RNPEP: variants seen among roughly 807,000 people sequenced by gnomAD.
RNPEP encodes the protein arginyl aminopeptidase.
Under a neutral mutation model 70.1 loss-of-function variants are expected in RNPEP, and 57 were observed. The observed-to-expected ratio is 0.81, with a 90% CI of 0.66 to 1.01. The LOEUF is 1.01. Ranked by LOEUF, RNPEP falls within the 50% of genes least tolerant of loss-of-function variation. The pLI is 0.00. For missense variants in RNPEP, 787 were observed against 852.4 expected (o/e 0.92, Z 0.96); for synonymous variants, 335 against 357.4 (o/e 0.94, Z 0.71).
At chr1:201,991,227 G>T (rs1465001286) in intron 3 of RNPEP, among the ~76,000 whole-genome samples, 2 of 152,140 alleles carry the variant, frequency 1.3e-5, no homozygotes, top group African/African-American at 4.8e-5. Context: ...TGATTCTCCT[G>T]CCTCAGCCTC....
At chr1:202,002,165 CTT>C (rs112152568) in intron 8 of RNPEP, among the ~76,000 whole-genome samples, 7 of 138,070 alleles carry the variant, frequency 5.1e-5, no homozygotes, top group Non-Finnish European at 7.8e-5. Flanking sequence ...CTTTTCTTTT[CTT>C]TTTTTTTTTT....
Position 202,001,428 on chromosome 1 carries a change from C to T in RNPEP, c.1257C>T (p.Cys419=). Residue 419 remains cysteine, a synonymous_variant, in exon 7 of 11, where the codon TGC becomes TGT. Transcript: ENST00000295640. ...AGACCCCCTACGAGAAAGGTTTCTG[C>T]TTTGTTTCATACCTGGCCCACTTGG... ...YNETPYEKGF[C]FVSYLAHLVG... 1 of 1,613,966 alleles carries T rather than the reference C, an allele frequency of 6.2e-7. No individual in the cohort carries two copies. Among genetic ancestry groups the T allele is most frequent in the Non-Finnish European group, 8.5e-7 (1 of 1,179,836 alleles).
At chr1:201,995,984 C>T (rs1683532314) in intron 3 of RNPEP, 163 bp from the exon 4 acceptor site, 1 of 606,560 alleles carries the variant, frequency 1.6e-6, no homozygotes, top group Admixed American at 3.1e-5. Flanking sequence ...GGTGAGCGGT[C>T]TCTTGGATCT....
intron 6 of RNPEP, chr1:202,000,291 G>T (rs1049495591): frequency 9.2e-6 from 3 of 324,574 alleles, no homozygotes; most frequent in East Asian, 6.5e-5. Context: ...AGGCTCTTTC[G>T]CATTCCTTCA....
Position 201,988,889 on chromosome 1 carries a change from C to G in RNPEP, c.448-15C>G, listed in dbSNP as rs764601829. 3 of 1,603,678 alleles carry G rather than the reference C, an allele frequency of 1.9e-6. No homozygotes were observed. Among genetic ancestry groups the G allele is most frequent in the Admixed American group, 3.4e-5 (2 of 58,326 alleles). On this transcript the variant is annotated splice_polypyrimidine_tract_variant and intron_variant, in intron 1 of 10. Transcript: ENST00000295640. ...TGGGAGATGTCAGTTCTGAAATGTT[C>G]TTCTTTTCGCTTAGGTTTGCTGGTT...
intron 1 of RNPEP, 122 bp from the exon 2 acceptor site, chr1:201,988,782 C>T (rs1683221461): frequency 2.5e-6 from 3 of 1,215,558 alleles, no homozygotes; most frequent in Non-Finnish European, 2.3e-6. Context: ...TCAAACCAGA[C>T]TGGCTGGCGG....
chr1:201,993,955 C>T (rs1384428044), intron 3 of RNPEP, among the ~76,000 whole-genome samples: 3 of 151,406 alleles, frequency 2.0e-5, no homozygotes, highest in Admixed American at 6.6e-5. Flanking sequence ...AATCCAGCCC[C>T]CCACCCTTGC....
intron 1 of RNPEP, 125 bp from the exon 2 acceptor site, chr1:201,988,779 A>T (rs1482389044): frequency 8.3e-7 from 1 of 1,199,870 alleles, no homozygotes; most frequent in Non-Finnish European, 1.2e-6. Flanking sequence ...AGTTCAAACC[A>T]GACTGGCTGG....
chr1:202,001,758 A>G lies in RNPEP; in HGVS notation c.1417A>G (p.Ile473Val). ...TGAGCTTAAGAAAAAGAGAGTGGAT[A>G]TCATTCCAGGTAAGCAGAGGAACTG... ...FPELKKKRVD[I>V]IPGFEFDRWL... Residue 473 changes from isoleucine (I) to valine (V), a missense_variant, in exon 8 of 11, where the codon ATC becomes GTC. Transcript: ENST00000295640. 6.3e-7 allele frequency: 1 copy of G among 1,587,084 alleles called. No homozygotes were observed. The highest frequency in any genetic ancestry group is 8.7e-7 in the Non-Finnish European group (1 of 1,155,444).
intron 1 of RNPEP, among the ~76,000 whole-genome samples, chr1:201,985,394 A>C (rs184039239): frequency 1.3e-5 from 2 of 152,030 alleles, no homozygotes; most frequent in African/African-American, 4.8e-5. Context: ...GGGACCAACC[A>C]CAGACCTGCC....
In RNPEP at chr1:201,997,525, C is replaced by T. The variant is rs777314260; in HGVS notation, c.1061C>T (p.Ala354Val). 1 of 1,614,012 alleles carries T rather than the reference C, an allele frequency of 6.2e-7. No homozygotes were observed. Among genetic ancestry groups the T allele is most frequent in the Admixed American group, 1.7e-5 (1 of 60,012 alleles). Residue 354 changes from alanine (A) to valine (V), a missense_variant, in exon 5 of 11, where the codon GCC becomes GTC. Transcript: ENST00000295640. The stretch of plus-strand genomic sequence containing the variant: ...CTCAATGAAGGTTTCACCATGTACG[C>T]CCAGAGGAGGATCTCCACCATCCTC... ...FWLNEGFTMYAQRRISTILFG... is the reference protein window; with the variant it reads ...FWLNEGFTMYVQRRISTILFG...
intron 1 of RNPEP, chr1:201,983,446 T>C (rs4950806): frequency 0.6 from 858,376 of 1,426,484 alleles, 259,111 homozygotes; most frequent in African/African-American, 0.62. Context: ...TTTCTAACAT[T>C]TTCCGTGGCT....
chr1:201,983,166 C>G (rs73074403), intron 1 of RNPEP, 53 bp downstream of exon 1: 843,143 of 1,422,546 alleles, frequency 0.59, 251,515 homozygotes, highest in Non-Finnish European at 0.6. Flanking sequence ...TTCCGGCCCC[C>G]AGCCGCCCTG....
chr1:201,990,610 G>A (rs10800805), intron 3 of RNPEP, among the ~76,000 whole-genome samples: 88,135 of 151,948 alleles, frequency 0.58, 25,697 homozygotes, highest in Non-Finnish European at 0.6. Context: ...CATTAGTTAC[G>A]AGCCTCAGAC....
At chr1:201,991,800 A>T (rs1683344367) in intron 3 of RNPEP, among the ~76,000 whole-genome samples, 1 of 152,156 alleles carries the variant, frequency 6.6e-6, no homozygotes. Flanking sequence ...TGACTGTCTT[A>T]AACCTTCTAG....
In RNPEP at chr1:202,000,029, C is replaced by G. The variant is rs111703761; in HGVS notation, c.1204+14C>G. On this transcript the variant is annotated intron_variant, in intron 6 of 10. Coordinates refer to ENST00000295640, the MANE Select transcript of RNPEP (RefSeq NM_020216.4). ...AGATTGAACCAGGTCCAGGAGGCTC[C>G]TCTGTCTGACACCCACTCCCCTCAA... 7.3e-5 allele frequency: 116 copies of G among 1,582,104 alleles called. 1 individual carries two copies. The highest frequency in any genetic ancestry group is 4.7e-4 in the African/African-American group (35 of 74,456).
In RNPEP at chr1:202,001,356, T is replaced by C. The variant is rs1164921664; in HGVS notation, c.1205-20T>C. 1.3e-6 allele frequency: 2 copies of C among 1,559,544 alleles called. No individual in the cohort carries two copies. Among genetic ancestry groups the C allele is most frequent in the Non-Finnish European group, 1.8e-6 (2 of 1,130,534 alleles). ...ACAGGCTACAAAAGCTCAAATCTTGTCTGCTTTCTCCTCTGCCAGGCGTTG... is the reference window on the plus strand; with the variant it reads ...ACAGGCTACAAAAGCTCAAATCTTGCCTGCTTTCTCCTCTGCCAGGCGTTG... On this transcript the variant is annotated intron_variant, in intron 6 of 10. Coordinates refer to ENST00000295640, the MANE Select transcript of RNPEP (RefSeq NM_020216.4).
At chr1:201,983,463 A>G in intron 1 of RNPEP, 1 of 1,398,894 alleles carries the variant, frequency 7.1e-7, no homozygotes. Context: ...GGCTTTCTAG[A>G]TGACCTGTTG....
rs1318883099 is a variant in RNPEP, at chr1:201,989,058, G to A, written c.588+14G>A. On this transcript the variant is annotated intron_variant, in intron 2 of 10. Coordinates refer to ENST00000295640, the MANE Select transcript of RNPEP (RefSeq NM_020216.4). Reference sequence around the variant, plus strand: ...GCTCTTATTGAGGTAAGGAGACTAAGGTTAGGTGCACCTGCCCTTGGGATG... The same window carrying A: ...GCTCTTATTGAGGTAAGGAGACTAAAGTTAGGTGCACCTGCCCTTGGGATG... 1 of 1,610,328 alleles carries A rather than the reference G, an allele frequency of 6.2e-7. No homozygotes were observed. The highest frequency in any genetic ancestry group is 1.7e-5 in the Admixed American group (1 of 59,176).
Sources: allele counts gnomAD v4.1 joint callset (sites outside exome capture counted in the v4.1 genomes callset), GRCh38; gene constraint gnomAD v4.1.1; transcripts MANE v1.5; gene names NCBI Gene and HGNC (gene_info 2026-07-23, HGNC 2026-07-21).